The following SNX13 variants were observed in gnomAD, a reference collection of about 807,000 sequenced individuals.
The protein encoded by SNX13 is sorting nexin-13.
In SNX13, 45 loss-of-function variants were observed where a neutral mutation model predicts 133.6. The ratio of observed to expected loss-of-function variants is 0.34; its 90% CI spans 0.27 to 0.43. SNX13 has a LOEUF of 0.43. Among genes scored for constraint, SNX13 ranks in the 20% least tolerant of loss-of-function variants. The probability of loss-of-function intolerance (pLI) is 1.00; values close to 1 mark genes in which losing one functional copy is unlikely to be tolerated. For synonymous variants in SNX13, 414 were observed against 373.9 expected (o/e 1.11, Z -1.24); for missense variants, 1,032 against 1,145.1 (o/e 0.90, Z 1.43).
chr7:17,884,384 T>C (rs1795730884), intron 5 of SNX13, among the ~76,000 whole-genome samples: 1 of 152,326 alleles, frequency 6.6e-6, no homozygotes, highest in Non-Finnish European at 1.5e-5. Flanking sequence ...GTAATAAAGA[T>C]ACCTAAGATG....
chr7:17,835,027 T>C (rs1467065330), intron 13 of SNX13, among the ~76,000 whole-genome samples, 162 bp from the exon 14 acceptor site: 1 of 151,922 alleles, frequency 6.6e-6, no homozygotes, highest in Non-Finnish European at 1.5e-5. Context: ...GAAACAGGAC[T>C]AAACCCTTCT....
chr7:17,845,153 TACAC>T (rs71010276), intron 12 of SNX13, among the ~76,000 whole-genome samples: 6,634 of 148,858 alleles, frequency 0.045, 146 homozygotes, highest in South Asian at 0.075. Context: ...TGCGTGTGTG[TACAC>T]ACACACACAC....
chr7:17,926,371 A>G (rs1800759555), intron 1 of SNX13, among the ~76,000 whole-genome samples: 1 of 152,216 alleles, frequency 6.6e-6, no homozygotes, highest in African/African-American at 2.4e-5. Context: ...TGGCTTAAAA[A>G]AAGGTAAATT....
At chr7:17,845,954 A>G (rs1024406495) in intron 11 of SNX13, among the ~76,000 whole-genome samples, 3 of 152,206 alleles carry the variant, frequency 2.0e-5, no homozygotes, top group African/African-American at 7.2e-5. Context: ...AGAAATCACT[A>G]TATTTTCAAT....
intron 17 of SNX13, among the ~76,000 whole-genome samples, chr7:17,824,571 G>A (rs906504965): frequency 9.3e-5 from 14 of 151,264 alleles, no homozygotes; most frequent in African/African-American, 3.4e-4. Flanking sequence ...AGGAAATTGA[G>A]GTACAAGGAA....
At chr7:17,848,947 G>A (rs938549324) in intron 11 of SNX13, among the ~76,000 whole-genome samples, 2 of 152,162 alleles carry the variant, frequency 1.3e-5, no homozygotes, top group Admixed American at 1.3e-4. Context: ...TCTTTACTTT[G>A]TCTTAAACTC....
At chr7:17,911,085 C>T (rs1239305420) in intron 1 of SNX13, among the ~76,000 whole-genome samples, 1 of 152,072 alleles carries the variant, frequency 6.6e-6, no homozygotes, top group Non-Finnish European at 1.5e-5. Context: ...CAAAACAAAA[C>T]AAAACTGGGC....
At chr7:17,830,367 A>T in intron 15 of SNX13, 1 of 984,326 alleles carries the variant, frequency 1.0e-6, no homozygotes, top group East Asian at 1.1e-4. Flanking sequence ...AATACAATAT[A>T]AGCATGAGGA....
intron 1 of SNX13, among the ~76,000 whole-genome samples, chr7:17,926,676 CG>C (rs1800783813): frequency 1.3e-5 from 2 of 152,018 alleles, no homozygotes; most frequent in African/African-American, 4.8e-5. Flanking sequence ...ACTTTGAGCT[CG>C]GGAGTTTGAG....
intron 1 of SNX13, among the ~76,000 whole-genome samples, chr7:17,916,331 T>C (rs1189956543): frequency 2.6e-5 from 4 of 152,024 alleles, no homozygotes; most frequent in Admixed American, 2.0e-4. Flanking sequence ...CTCAATGAAA[T>C]TGAAAGCCAA....
At chr7:17,887,968 AC>A (rs1219235833) in intron 5 of SNX13, among the ~76,000 whole-genome samples, 1 of 152,106 alleles carries the variant, frequency 6.6e-6, no homozygotes, top group Non-Finnish European at 1.5e-5. Flanking sequence ...CATATGTTTC[AC>A]AGTATACAGC....
At chr7:17,795,543 CTATT>C (rs981378471) in intron 25 of SNX13, 22 of 151,718 alleles carry the variant, frequency 1.5e-4, no homozygotes, top group African/African-American at 4.3e-4. Context: ...CTGACACTAT[CTATT>C]CCATTTTCCT....
At chr7:17,872,129 G>T (rs1917368) in intron 8 of SNX13, among the ~76,000 whole-genome samples, 76,715 of 151,994 alleles carry the variant, frequency 0.5, 21,289 homozygotes, top group African/African-American at 0.75. Context: ...AATTTCAAAC[G>T]CATTAGCATT....
At chr7:17,913,226 C>T (rs1156555615) in intron 1 of SNX13, among the ~76,000 whole-genome samples, 1 of 152,198 alleles carries the variant, frequency 6.6e-6, no homozygotes, top group African/African-American at 2.4e-5. Context: ...AAAGGAGGGA[C>T]CACCAAAATC....
At chr7:17,810,250 G>T (rs1432309877) in intron 20 of SNX13, among the ~76,000 whole-genome samples, 1 of 151,752 alleles carries the variant, frequency 6.6e-6, no homozygotes, top group African/African-American at 2.4e-5. Flanking sequence ...GAAAAGAGAA[G>T]AATCAAATAG....
intron 1 of SNX13, among the ~76,000 whole-genome samples, chr7:17,916,387 G>C (rs748743136): frequency 5.9e-5 from 9 of 152,072 alleles, no homozygotes; most frequent in Non-Finnish European, 1.3e-4. Flanking sequence ...TTATTTGAAA[G>C]GATAAATAAG....
At chr7:17,794,730 T>C (rs1170608163) in intron 25 of SNX13, 1 of 152,706 alleles carries the variant, frequency 6.5e-6, no homozygotes, top group African/African-American at 2.4e-5. Flanking sequence ...ATTATACAAA[T>C]ATTCTTAGTA....
Position 17,841,553 on chromosome 7 carries a change from TACAC to T in SNX13, c.1166-1557_1166-1554del, listed in dbSNP as rs71553704. Reference sequence around the variant, plus strand: ...TTAGATTCAAACAGCCAGTTATTCATACACACACACACACACACACACACACACA... The same window carrying T: ...TTAGATTCAAACAGCCAGTTATTCATACACACACACACACACACACACACA... On this transcript the variant is annotated intron_variant, in intron 12 of 25. Transcript: ENST00000428135. Among the ~76,000 whole-genome samples the T allele has an allele frequency of 1.2e-3, 178 of 143,072 alleles. 2 individuals are homozygous for T. Among genetic ancestry groups the T allele is most frequent in the East Asian group, 3.3e-3 (16 of 4,822 alleles). The allele number at this position is 143,072 out of a possible 152,430, so 93.9% of individuals were successfully genotyped here.
At chr7:17,911,823 T>C (rs73310176) in intron 1 of SNX13, among the ~76,000 whole-genome samples, 3,230 of 152,060 alleles carry the variant, frequency 0.021, 125 homozygotes, top group African/African-American at 0.073. Context: ...CAAAAATAAA[T>C]AAGTAGATTT....
Sources: allele counts gnomAD v4.1 joint callset (sites outside exome capture counted in the v4.1 genomes callset), GRCh38; gene constraint gnomAD v4.1.1; transcripts MANE v1.5; gene names NCBI Gene and HGNC (gene_info 2026-07-23, HGNC 2026-07-21).